CREB3L1: variants seen among roughly 807,000 people sequenced by gnomAD.
CREB3L1 encodes cAMP responsive element binding protein 3 like 1, also known as cyclic AMP-responsive element-binding protein 3-like protein 1.
CREB3L1 carries 33 observed loss-of-function variants against 54.5 expected under a neutral mutation model. The ratio of observed to expected loss-of-function variants is 0.61; its 90% CI spans 0.46 to 0.81. CREB3L1 has a LOEUF of 0.81. Ranked by LOEUF, CREB3L1 falls within the 30% of genes least tolerant of loss-of-function variation. The pLI is 0.00. For missense variants in CREB3L1, 656 were observed against 673.3 expected, an observed-to-expected ratio of 0.97 and a Z score of 0.29; for synonymous variants, 284 against 286.4, an observed-to-expected ratio of 0.99 and a Z score of 0.08.
intron 8 of CREB3L1, 35 bp from the exon 9 acceptor site, chr11:46,316,251 C>A (rs1164445885): frequency 2.1e-6 from 3 of 1,421,194 alleles, no homozygotes; most frequent in Non-Finnish European, 2.9e-6. Flanking sequence ...CCTGCGGGGT[C>A]AAAGCCTGCC....
intron 1 of CREB3L1, among the ~76,000 whole-genome samples, chr11:46,298,472 C>G (rs2136344361): frequency 6.6e-6 from 1 of 152,272 alleles, no homozygotes; most frequent in South Asian, 2.1e-4. Context: ...CCGAGGCGGG[C>G]AGATCACTTG....
intron 1 of CREB3L1, among the ~76,000 whole-genome samples, chr11:46,296,444 C>G (rs557925849): frequency 1.3e-5 from 2 of 152,090 alleles, no homozygotes; most frequent in South Asian, 4.2e-4. Flanking sequence ...CCTCTCTGGA[C>G]TGGAGTTTTC....
At chr11:46,318,308 G>T (rs1939597574) in intron 10 of CREB3L1, among the ~76,000 whole-genome samples, 1 of 152,224 alleles carries the variant, frequency 6.6e-6, no homozygotes, top group South Asian at 2.1e-4. Context: ...GACAGAAGAA[G>T]GGTAGCGGTG....
chr11:46,290,684 G>A (rs1479093467), intron 1 of CREB3L1, among the ~76,000 whole-genome samples: 5 of 151,874 alleles, frequency 3.3e-5, no homozygotes, highest in African/African-American at 7.3e-5. Flanking sequence ...ACTGTGGCAC[G>A]GTGCCAGAGG....
chr11:46,313,974 C>T (rs377271273), intron 8 of CREB3L1, among the ~76,000 whole-genome samples: 11 of 152,266 alleles, frequency 7.2e-5, no homozygotes, highest in Admixed American at 2.6e-4. Flanking sequence ...CAGTGGCTTA[C>T]GCCTGTAATC....
intron 1 of CREB3L1, among the ~76,000 whole-genome samples, chr11:46,282,358 T>C (rs1263745955): frequency 6.6e-6 from 1 of 152,184 alleles, no homozygotes; most frequent in Non-Finnish European, 1.5e-5. Flanking sequence ...CTGCAGCCCC[T>C]GGTCTAGAAT....
intron 8 of CREB3L1, 61 bp from the exon 9 acceptor site, chr11:46,316,225 C>A: frequency 9.1e-7 from 1 of 1,101,992 alleles, no homozygotes; most frequent in South Asian, 1.4e-5. Flanking sequence ...TAGGAGAGCT[C>A]CAGGAGGCAG....
chr11:46,291,501 G>A (rs775454211), intron 1 of CREB3L1, among the ~76,000 whole-genome samples: 9 of 152,204 alleles, frequency 5.9e-5, no homozygotes, highest in East Asian at 3.8e-4. Context: ...AACCAGGTCC[G>A]TCTGACTCCC....
At position 46,278,575 on chromosome 11, in the gene CREB3L1, G is replaced by T. The variant is rs1356048002; in HGVS notation, c.102+362G>T. 6.6e-6 allele frequency among the ~76,000 whole-genome samples: 1 copy of T among 152,190 alleles called. No homozygotes were observed. Among genetic ancestry groups the T allele is most frequent in the Non-Finnish European group, 1.5e-5 (1 of 68,030 alleles). On this transcript the variant is annotated intron_variant, in intron 1 of 11. Transcript: ENST00000621158. The surrounding 1 kb of genome is among the most constrained non-coding windows in gnomAD (Gnocchi z 4.2). ...GCAAAGTGGCAGCGCCCTTTCCTGCGCCTCCCTTGGGGCTTCGGTGGCTCA... is the reference window on the plus strand; with the variant it reads ...GCAAAGTGGCAGCGCCCTTTCCTGCTCCTCCCTTGGGGCTTCGGTGGCTCA...
At position 46,320,746 on chromosome 11, in the gene CREB3L1, G is replaced by A; in HGVS notation, c.1560G>A (p.Ter520=). Residue 520 remains the stop codon, a stop_retained_variant, in exon 12 of 12, where the codon TAG becomes TAA. Transcript: ENST00000621158. ...CCAACACCACCATCAAACTCTCCTA[G>A]GCCATGCCAAGACCCAGGACATAGG... ...LGPNTTIKLS[*] The A allele has an allele frequency of 6.2e-7, 1 of 1,612,152 alleles. No individual in the cohort carries two copies. The highest frequency in any genetic ancestry group is 8.5e-7 in the Non-Finnish European group (1 of 1,179,256).
chr11:46,282,500 A>T (rs989957484), intron 1 of CREB3L1, among the ~76,000 whole-genome samples: 6 of 152,002 alleles, frequency 3.9e-5, no homozygotes, highest in Middle Eastern at 3.4e-3. Flanking sequence ...ATCCATACTC[A>T]CCCAATTTAA....
chr11:46,308,629 G>A (rs915003798), intron 3 of CREB3L1, among the ~76,000 whole-genome samples: 3 of 152,210 alleles, frequency 2.0e-5, no homozygotes, highest in African/African-American at 7.2e-5. Context: ...CTCTGTAAAA[G>A]GGGCTCATGA....
chr11:46,300,034 A>G lies in CREB3L1; in HGVS notation c.202A>G (p.Ser68Gly), dbSNP rs1420092997. 1.2e-6 allele frequency: 2 copies of G among 1,613,946 alleles called. No individual in the cohort carries two copies. The highest frequency in any genetic ancestry group is 1.7e-5 in the Admixed American group (1 of 60,014). ...TGATGACCCTGTGCTGGATGAGAAG[A>G]GCCCTCTATTGGACATGGAACTGGA... ...FFDDPVLDEK[S>G]PLLDMELDSP... Residue 68 changes from serine (S) to glycine (G), a missense_variant, in exon 2 of 12, where the codon AGC becomes GGC. This residue lies in a region of CREB3L1 where 339 missense variants were observed against 331.5 expected (regional missense o/e 1.02). Coordinates refer to ENST00000621158, the MANE Select transcript of CREB3L1 (RefSeq NM_052854.4).
intron 1 of CREB3L1, among the ~76,000 whole-genome samples, chr11:46,297,053 G>T (rs1303657564): frequency 6.6e-6 from 1 of 152,200 alleles, no homozygotes; most frequent in Non-Finnish European, 1.5e-5. Context: ...AGCTGCTGGA[G>T]AAATACCTTA....
At chr11:46,307,756 G>T in intron 2 of CREB3L1, 60 bp from the exon 3 acceptor site, 1 of 1,398,570 alleles carries the variant, frequency 7.2e-7, no homozygotes, top group South Asian at 1.5e-5. Flanking sequence ...GCTCCCAGGG[G>T]GCAGGCAGGG....
chr11:46,316,058 G>A, intron 8 of CREB3L1: 1 of 476,814 alleles, frequency 2.1e-6, no homozygotes, highest in Admixed American at 3.9e-5. Flanking sequence ...GAGCATCACA[G>A]GGCAGGCCTG....
intron 3 of CREB3L1, among the ~76,000 whole-genome samples, chr11:46,308,866 C>T (rs1202350483): frequency 3.3e-5 from 5 of 152,230 alleles, no homozygotes; most frequent in Admixed American, 2.0e-4. Flanking sequence ...ATCTCCAAGA[C>T]TGGCTCTGAG....
Position 46,321,193 on chromosome 11 carries a change from A to G in CREB3L1, c.*447A>G. The G allele has an allele frequency of 3.0e-6, 1 of 328,864 alleles. No homozygotes were observed. The highest frequency in any genetic ancestry group is 4.7e-5 in the South Asian group (1 of 21,448). 20.4% of individuals were successfully genotyped at this position (328,864 alleles called of 1,614,324 possible). ...AATCCCCTAAGATATTGTATTTTAC[A>G]AATCTCCCTCTTCCCTTCGCCCCTC... On this transcript the variant is annotated 3_prime_UTR_variant, in exon 12 of 12. Coordinates refer to ENST00000621158, the MANE Select transcript of CREB3L1 (RefSeq NM_052854.4).
chr11:46,304,604 C>T (rs1590346036), intron 2 of CREB3L1, among the ~76,000 whole-genome samples: 2 of 152,154 alleles, frequency 1.3e-5, no homozygotes, highest in East Asian at 1.9e-4. Context: ...TCCCCCCAAA[C>T]CCCATGAAGG....
Sources: gnomAD v4.1 joint callset for allele counts (sites outside exome capture counted in the v4.1 genomes callset) on GRCh38, gnomAD v4.1.1 for gene constraint, gnomAD v4.1.1 regional missense constraint, Gnocchi (gnomAD v3.1) non-coding constraint, MANE v1.5 for transcripts, NCBI Gene and HGNC (gene_info 2026-07-23, HGNC 2026-07-21) for gene names.